TREM2: variants seen among roughly 807,000 people sequenced by gnomAD.
TREM2 encodes triggering receptor expressed on monocytes 2.
In TREM2, 20 loss-of-function variants were observed where a neutral mutation model predicts 22.9. That is an observed-to-expected ratio of 0.87 (90% CI 0.61 to 1.27). TREM2 has a LOEUF of 1.27. Among genes scored for constraint, TREM2 ranks in the 50% most tolerant of loss-of-function variants. The pLI is 0.00. For missense variants in TREM2, 267 were observed against 289.0 expected (o/e 0.92, Z 0.55); for synonymous variants, 111 against 120.9 (o/e 0.92, Z 0.54).
chr6:41,162,998 A>G (rs1250925738), intron 1 of TREM2, 45 bp downstream of exon 1: 1 of 1,613,948 alleles, frequency 6.2e-7, no homozygotes. Flanking sequence ...CCACATGCTC[A>G]AAGTGAGGGA....
chr6:41,161,683 C>T (rs1765572055), intron 1 of TREM2, 70 bp from the exon 2 acceptor site: 3 of 1,344,968 alleles, frequency 2.2e-6, no homozygotes, highest in Non-Finnish European at 3.1e-6. Flanking sequence ...TGTGCAGTGA[C>T]CTAAACAGAC....
At chr6:41,162,912 A>C in intron 1 of TREM2, 131 bp downstream of exon 1, 2 of 1,168,374 alleles carry the variant, frequency 1.7e-6, no homozygotes, top group Non-Finnish European at 2.5e-6. Context: ...AGAGGAGTGC[A>C]GAACAGGGCA....
Position 41,158,793 on chromosome 6 carries a change from A to G in TREM2, c.677-13T>C, listed in dbSNP as rs770862172. 1.9e-6 allele frequency: 3 copies of G among 1,614,064 alleles called. No homozygotes were observed. The highest frequency in any genetic ancestry group is 1.3e-5 in the African/African-American group (1 of 74,926). On this transcript the variant is annotated splice_polypyrimidine_tract_variant and intron_variant, in intron 4 of 4. Transcript: ENST00000373113. The stretch of plus-strand genomic sequence containing the variant: ...GTGTCTCTCAGCCCTGCAATAGTCC[A>G]AGGACTCATGTGGCCCCTCTCGGCA...
Position 41,161,551 on chromosome 6 carries a change from A to G in TREM2, c.103T>C (p.Ser35Pro), listed in dbSNP as rs757622796. The change falls in exon 2 of 5, where the codon TCT (serine) becomes CCT (proline). Residue 35 changes from serine (S) to proline (P), a missense_variant. Transcript: ENST00000373113. ...TGCTTCATGGAGTCATAGGGGCAAG[A>G]CACCTGCAGGGACTGGCCCGCCACG... is the stretch of plus-strand genomic sequence containing the variant. ...QGVAGQSLQV[S>P]CPYDSMKHWG... is the part of the protein sequence containing the mutation. 1 of 1,614,134 alleles carries G rather than the reference A, an allele frequency of 6.2e-7. No homozygotes were observed. Among genetic ancestry groups the G allele is most frequent in the Admixed American group, 1.7e-5 (1 of 60,026 alleles).
chr6:41,159,953 A>C lies in TREM2; in HGVS notation c.392-71T>G. ...GCAGGGGGAGAACCTTGGCGGGAGA[A>C]CCTTTATGGGTGGGGTGAGGTCCCC... On this transcript the variant is annotated intron_variant, in intron 2 of 4. Coordinates refer to ENST00000373113, the MANE Select transcript of TREM2 (RefSeq NM_018965.4). 3.0e-6 allele frequency: 4 copies of C among 1,325,078 alleles called. No individual in the cohort carries two copies. In the South Asian group the frequency reaches 4.8e-5, roughly 16 times the overall value. 82.1% of individuals were successfully genotyped at this position (1,325,078 alleles called of 1,614,324 possible). A position where few individuals can be genotyped will look rare whatever the true frequency, so the allele number is the denominator to read the frequency against.
intron 1 of TREM2, among the ~76,000 whole-genome samples, 179 bp downstream of exon 1, chr6:41,162,864 G>A (rs1765602812): frequency 6.6e-6 from 1 of 152,114 alleles, no homozygotes; most frequent in Admixed American, 6.5e-5. Context: ...TACTGGGGAG[G>A]GAAGGAGGGT....
At chr6:41,162,919 G>A in intron 1 of TREM2, 124 bp downstream of exon 1, 1 of 1,250,130 alleles carries the variant, frequency 8.0e-7, no homozygotes, top group Admixed American at 1.8e-5. Flanking sequence ...TGCAGAACAG[G>A]GCACTCAGGC....
Position 41,158,718 on chromosome 6 carries a change from G to A in TREM2, c.*46C>T, listed in dbSNP as rs766236034. The A allele has an allele frequency of 1.2e-6, 2 of 1,614,184 alleles. No individual in the cohort carries two copies. The highest frequency in any genetic ancestry group is 1.7e-6 in the Non-Finnish European group (2 of 1,180,042). ...AGTGGCAAGTATGCAGGCTGGGCTG[G>A]TCCCTGGTGGGACTTCTCCTGGGCT... On this transcript the variant is annotated 3_prime_UTR_variant, in exon 5 of 5. Transcript: ENST00000373113.
chr6:41,162,974 C>G (rs955283489), intron 1 of TREM2, 69 bp downstream of exon 1: 9 of 1,608,290 alleles, frequency 5.6e-6, no homozygotes, highest in East Asian at 4.5e-5. Context: ...CAGGGCCCAC[C>G]ACCCGCGCCC....
chr6:41,162,930 A>G, intron 1 of TREM2, 113 bp downstream of exon 1: 2 of 1,393,034 alleles, frequency 1.4e-6, no homozygotes, highest in South Asian at 2.3e-5. Flanking sequence ...GCACTCAGGC[A>G]TGCGAGGACT....
Position 41,159,824 on chromosome 6 carries a change from G to A in TREM2, c.450C>T (p.Phe150=), listed in dbSNP as rs767909449. 9 of 1,614,008 alleles carry A rather than the reference G, an allele frequency of 5.6e-6. No homozygotes were observed. The highest frequency in any genetic ancestry group is 3.3e-5 in the Admixed American group (2 of 60,006). ...DLWFPGESES[F]EDAHVEHSIS... is the part of the protein sequence containing the mutation. Reference sequence around the variant, plus strand: ...TGCTGTGCTCCACATGGGCATCCTCGAAGCTCTCAGACTCCCCGGGGAACC... The same window carrying A: ...TGCTGTGCTCCACATGGGCATCCTCAAAGCTCTCAGACTCCCCGGGGAACC... The change falls in exon 3 of 5, where the codon TTC becomes TTT. Residue 150 remains phenylalanine (F), a synonymous_variant. Transcript: ENST00000373113.
intron 3 of TREM2, 35 bp from the exon 4 acceptor site, chr6:41,159,101 G>A: frequency 1.3e-6 from 2 of 1,591,624 alleles, no homozygotes; most frequent in South Asian, 2.3e-5. Context: ...GGAGCCTTGA[G>A]ATGGCCTACA....
rs371702633 is a variant in TREM2 at position 41,159,063 on chromosome 6, G to C, written c.486C>G (p.Ser162Arg). ...GGAAGGGGATTTCTCCTTCCAAGAG[G>C]CTCCTTGGAGAGACAAGAAGGCAGA... ...DAHVEHSISR[S>R]LLEGEIPFPP... Residue 162 changes from serine to arginine, a missense_variant, in exon 4 of 5, where the codon AGC (serine) becomes AGG (arginine). Coordinates refer to ENST00000373113, the MANE Select transcript of TREM2 (RefSeq NM_018965.4). 150 of 1,611,778 alleles carry C rather than the reference G, an allele frequency of 9.3e-5. No homozygotes were observed. Among genetic ancestry groups the C allele is most frequent in the Non-Finnish European group, 1.3e-4 (148 of 1,179,044 alleles).
chr6:41,158,878 A>G lies in TREM2; in HGVS notation c.671T>C (p.Leu224Pro). ...GCTGTGCTCTCCAAGCCCACCTGGC[A>G]GAGTTTGGAGCTGATACCCTGGGTC... ...GHDPGYQLQT[L>P]PGLRDT Residue 224 changes from leucine to proline, a missense_variant, in exon 4 of 5, where the codon CTG (leucine) becomes CCG (proline). Physicochemically the swap from Leu to Pro is moderately conservative, Grantham distance 98. Transcript: ENST00000373113. 1.2e-6 allele frequency: 2 copies of G among 1,614,210 alleles called. No homozygotes were observed. The highest frequency in any genetic ancestry group is 1.7e-6 in the Non-Finnish European group (2 of 1,180,032).
chr6:41,162,689 A>C (rs567549437), intron 1 of TREM2, among the ~76,000 whole-genome samples: 1 of 152,228 alleles, frequency 6.6e-6, no homozygotes, highest in Admixed American at 6.5e-5. Context: ...TTAGTGGCTT[A>C]TAATTTCAGA....
Position 41,158,560 on chromosome 6 carries a change from A to C in TREM2, c.*204T>G, listed in dbSNP as rs1354728520. On this transcript the variant is annotated 3_prime_UTR_variant, in exon 5 of 5. Transcript: ENST00000373113. ...TATTTGTAAGTGTTTAAAATGTCCAATATTCAGAAGTTGTCAGGTGTTCTT... is the reference window on the plus strand; with the variant it reads ...TATTTGTAAGTGTTTAAAATGTCCACTATTCAGAAGTTGTCAGGTGTTCTT... 1.3e-6 allele frequency: 2 copies of C among 1,526,466 alleles called. No homozygotes were observed. Among genetic ancestry groups the C allele is most frequent in the South Asian group, 1.2e-5 (1 of 83,054 alleles). The allele number at this position is 1,526,466 out of a possible 1,614,324, so 94.6% of individuals were successfully genotyped here.
At chr6:41,161,909 C>T (rs1010247773) in intron 1 of TREM2, among the ~76,000 whole-genome samples, 1 of 152,080 alleles carries the variant, frequency 6.6e-6, no homozygotes, top group Admixed American at 6.5e-5. Flanking sequence ...CTGTTCTGCA[C>T]ATCTCTTTGC....
In TREM2 at chr6:41,158,693, A is replaced by G; in HGVS notation, c.*71T>C. 6.2e-7 allele frequency: 1 copy of G among 1,614,102 alleles called. No homozygotes were observed. The highest frequency in any genetic ancestry group is 8.5e-7 in the Non-Finnish European group (1 of 1,180,010). ...GCAGAACAAGGAGTCCTGGTGGCCAAGTGGCAAGTATGCAGGCTGGGCTGG... is the reference window on the plus strand; with the variant it reads ...GCAGAACAAGGAGTCCTGGTGGCCAGGTGGCAAGTATGCAGGCTGGGCTGG... On this transcript the variant is annotated 3_prime_UTR_variant, in exon 5 of 5. Coordinates refer to ENST00000373113, the MANE Select transcript of TREM2 (RefSeq NM_018965.4).
rs1199620992 is a variant in TREM2 at position 41,161,615 on chromosome 6, T to G, written c.41-2A>C. The G allele has an allele frequency of 6.2e-7, 1 of 1,611,640 alleles. No homozygotes were observed. ...TGGTGTTGTGGGCTCCGGACAGCTC[T>G]GGGGAGGAGACATTCATTCACTCCT... On this transcript the variant is annotated splice_acceptor_variant, in intron 1 of 4. Coordinates refer to ENST00000373113, the MANE Select transcript of TREM2 (RefSeq NM_018965.4). LOFTEE classifies it high-confidence loss of function.
Sources: gnomAD v4.1 joint callset for allele counts (sites outside exome capture counted in the v4.1 genomes callset) on GRCh38, gnomAD v4.1.1 for gene constraint, MANE v1.5 for transcripts, NCBI Gene and HGNC (gene_info 2026-07-23, HGNC 2026-07-21) for gene names.